Variants in GRIK2 observed in about 807,000 individuals in gnomAD.
The protein encoded by GRIK2 is glutamate ionotropic receptor kainate type subunit 2, also known as glutamate receptor ionotropic, kainate 2.
Under a neutral mutation model 100.3 loss-of-function variants are expected in GRIK2, and 32 were observed. The observed-to-expected ratio is 0.32, with a 90% CI of 0.24 to 0.43. The LOEUF (loss-of-function observed/expected upper bound fraction) is 0.43. Ranked by LOEUF, GRIK2 falls within the 20% of genes least tolerant of loss-of-function variation. The probability of loss-of-function intolerance (pLI) is 1.00; values close to 1 mark genes in which losing one functional copy is unlikely to be tolerated. For synonymous variants in GRIK2, 417 were observed against 389.4 expected, an observed-to-expected ratio of 1.07 and a Z score of -0.83; for missense variants, 843 against 1,114.9, an observed-to-expected ratio of 0.76 and a Z score of 3.47.
intron 2 of GRIK2, among the ~76,000 whole-genome samples, chr6:101,432,959 G>A (rs756831220): frequency 2.0e-5 from 3 of 152,098 alleles, no homozygotes; most frequent in Non-Finnish European, 2.9e-5. Flanking sequence ...TCAAGGAGGA[G>A]GAGGAAGAGA....
At chr6:101,430,309 A>ACAAATTTCTTTTCGGG in intron 2 of GRIK2, 1 of 153,892 alleles carries the variant, frequency 6.5e-6, no homozygotes, top group Admixed American at 6.5e-5. Context: ...AGCTTCTGGG[A>ACAAATTTCTTTTCGGG]CAAATTTCTT....
chr6:101,480,211 A>G lies in GRIK2; in HGVS notation c.115+80819A>G, dbSNP rs141578864. ...GAGAGGAAATCATGTCTCTTCATCA[A>G]TGCTCACAAATCGACCATTTACACC... On this transcript the variant is annotated intron_variant, in intron 2 of 16. Coordinates refer to ENST00000369134, the MANE Select transcript of GRIK2 (RefSeq NM_021956.5). Among the ~76,000 whole-genome samples, 659 of 152,300 alleles carry G rather than the reference A, an allele frequency of 4.3e-3. 6 individuals carry two copies. Among genetic ancestry groups the G allele is most frequent in the African/African-American group, 0.015 (635 of 41,562 alleles).
At chr6:101,644,212 A>C (rs1361156407) in intron 4 of GRIK2, among the ~76,000 whole-genome samples, 1 of 151,888 alleles carries the variant, frequency 6.6e-6, no homozygotes, top group Non-Finnish European at 1.5e-5. Context: ...GTTATATAAA[A>C]GTGTTATGGC....
chr6:101,889,911 A>T (rs370812882), intron 12 of GRIK2, 48 bp downstream of exon 12: 2 of 963,964 alleles, frequency 2.1e-6, no homozygotes, highest in Admixed American at 3.6e-5. Flanking sequence ...TACCTCCTTT[A>T]TCTAACTAAT....
At chr6:101,625,892 C>T (rs1780411343) in intron 3 of GRIK2, among the ~76,000 whole-genome samples, 1 of 152,120 alleles carries the variant, frequency 6.6e-6, no homozygotes, top group Non-Finnish European at 1.5e-5. Flanking sequence ...TGAGTGTTCG[C>T]ATAACCCGAC....
At chr6:101,964,685 C>T (rs1375793713) in intron 14 of GRIK2, among the ~76,000 whole-genome samples, 1 of 152,130 alleles carries the variant, frequency 6.6e-6, no homozygotes, top group Admixed American at 6.5e-5. Flanking sequence ...TTTGTTCTTC[C>T]TGGCATCCCA....
At chr6:101,924,172 T>C (rs1789739145) in intron 12 of GRIK2, among the ~76,000 whole-genome samples, 1 of 152,100 alleles carries the variant, frequency 6.6e-6, no homozygotes, top group African/African-American at 2.4e-5. Context: ...TATTATAGCA[T>C]GCAAAATTCT....
At chr6:101,949,515 C>G (rs1019131439) in intron 14 of GRIK2, among the ~76,000 whole-genome samples, 1 of 152,080 alleles carries the variant, frequency 6.6e-6, no homozygotes, top group Non-Finnish European at 1.5e-5. Context: ...CCCTAGTCCC[C>G]CATCCCCAAC....
intron 14 of GRIK2, among the ~76,000 whole-genome samples, chr6:102,027,629 C>A (rs1359840329): frequency 1.3e-5 from 2 of 150,992 alleles, no homozygotes; most frequent in African/African-American, 4.8e-5. Context: ...ATGGAGAAAC[C>A]TTTCCTGTAG....
chr6:102,016,557 A>G (rs747547405), intron 14 of GRIK2, among the ~76,000 whole-genome samples: 2 of 151,392 alleles, frequency 1.3e-5, no homozygotes, highest in Non-Finnish European at 2.9e-5. Context: ...AATAAATAAA[A>G]AAATTCAAAA....
chr6:102,002,662 A>G (rs1795012958), intron 14 of GRIK2, among the ~76,000 whole-genome samples: 1 of 150,694 alleles, frequency 6.6e-6, no homozygotes, highest in Non-Finnish European at 1.5e-5. Context: ...GGTAATGTAC[A>G]TTAACATATT....
chr6:101,876,243 C>T (rs1027371134), intron 11 of GRIK2, among the ~76,000 whole-genome samples: 1 of 151,690 alleles, frequency 6.6e-6, no homozygotes, highest in Non-Finnish European at 1.5e-5. Flanking sequence ...TATAACCTAA[C>T]CTGTACATTT....
chr6:101,658,224 A>G lies in GRIK2; in HGVS notation c.542-18399A>G, dbSNP rs191359248. On this transcript the variant is annotated intron_variant, in intron 4 of 16. Transcript: ENST00000369134. ...TCCCCTAGTCCCTCACCCCCAACAG[A>G]CCCTGGTGTGTGATGTTCTCCCTCT... Among the ~76,000 whole-genome samples, 446 of 151,838 alleles carry G rather than the reference A, an allele frequency of 2.9e-3. 4 individuals are homozygous for G. The highest frequency in any genetic ancestry group is 4.6e-3 in the Non-Finnish European group (313 of 67,914).
intron 4 of GRIK2, among the ~76,000 whole-genome samples, chr6:101,639,071 C>T (rs1781158759): frequency 2.6e-5 from 4 of 151,954 alleles, no homozygotes; most frequent in South Asian, 4.2e-4. Context: ...GAGGGAGTCT[C>T]GCTCTGTCGC....
At position 101,483,029 on chromosome 6, in the gene GRIK2, ATATT is replaced by A. The variant is rs1772617195; in HGVS notation, c.115+83638_115+83641del. Among the ~76,000 whole-genome samples, 4 of 152,366 alleles carry A rather than the reference ATATT, an allele frequency of 2.6e-5. No individual in the cohort carries two copies. In the South Asian group the frequency reaches 8.3e-4, roughly 32 times the overall value. ...ATTTGTATTCAATGTGTACTTTTAT[ATATT>A]AGCTGTGCAATTTAAAGATGTTGAA... is the stretch of plus-strand genomic sequence containing the variant. On this transcript the variant is annotated intron_variant, in intron 2 of 16. Transcript: ENST00000369134.
chr6:101,827,345 T>C (rs1346189789), intron 10 of GRIK2, among the ~76,000 whole-genome samples: 2 of 151,956 alleles, frequency 1.3e-5, no homozygotes, highest in Admixed American at 6.6e-5. Flanking sequence ...CCTCAGAATG[T>C]ACTTGAATTT....
rs1004541696 is a variant in GRIK2, at chr6:101,573,981, T to C, written c.116-47968T>C. On this transcript the variant is annotated intron_variant, in intron 2 of 16. Transcript: ENST00000369134. ...TGTTTTTTCTCCCTAAGAAATCATG[T>C]AACTTGCACGCAGTTACCATCATGT... 3.3e-5 allele frequency among the ~76,000 whole-genome samples: 5 copies of C among 152,064 alleles called. 1 individual carries two copies. The highest frequency in any genetic ancestry group is 3.3e-4 in the Admixed American group (5 of 15,250).
intron 14 of GRIK2, among the ~76,000 whole-genome samples, chr6:102,006,390 A>ATTTTTTTT (rs34620995): frequency 6.1e-5 from 7 of 114,092 alleles, no homozygotes; most frequent in African/African-American, 2.7e-4. Flanking sequence ...ATATATATAT[A>ATTTTTTTT]TTTTTTTTTT....
chr6:101,836,083 G>A (rs921175673), intron 10 of GRIK2, among the ~76,000 whole-genome samples: 4 of 151,282 alleles, frequency 2.6e-5, no homozygotes, highest in Non-Finnish European at 4.4e-5. Flanking sequence ...TTTTGGGGAG[G>A]CATTACTCCA....
Sources: allele counts gnomAD v4.1 joint callset (sites outside exome capture counted in the v4.1 genomes callset), GRCh38; gene constraint gnomAD v4.1.1; transcripts MANE v1.5; gene names NCBI Gene and HGNC (gene_info 2026-07-23, HGNC 2026-07-21).